The following RANBP9 variants were observed in gnomAD, a reference collection of about 807,000 sequenced individuals.
RANBP9 encodes the protein ran-binding protein 9.
RANBP9 carries 15 observed loss-of-function variants against 84.3 expected under a neutral mutation model. The ratio of observed to expected loss-of-function variants is 0.18; its 90% CI spans 0.12 to 0.27. The LOEUF (loss-of-function observed/expected upper bound fraction) is 0.27, where lower values mean the gene tolerates loss of function less well. Among genes scored for constraint, RANBP9 ranks in the 10% least tolerant of loss-of-function variants. RANBP9 has a pLI of 1.00. For missense variants in RANBP9, 809 were observed against 912.8 expected (o/e 0.89, Z 1.46); for synonymous variants, 392 against 349.6 (o/e 1.12, Z -1.35).
At chr6:13,677,901 T>G (rs1209453615) in intron 2 of RANBP9, among the ~76,000 whole-genome samples, 1 of 152,094 alleles carries the variant, frequency 6.6e-6, no homozygotes, top group East Asian at 1.9e-4. Flanking sequence ...GTGGATCACT[T>G]GAACCCAACA....
At chr6:13,686,600 C>G (rs780807175) in intron 2 of RANBP9, among the ~76,000 whole-genome samples, 6 of 151,606 alleles carry the variant, frequency 4.0e-5, no homozygotes, top group East Asian at 1.9e-4. Context: ...AACAGGGTCT[C>G]GCTTTGTTGC....
At chr6:13,701,653 C>T (rs1757973938) in intron 1 of RANBP9, among the ~76,000 whole-genome samples, 1 of 151,910 alleles carries the variant, frequency 6.6e-6, no homozygotes, top group South Asian at 2.1e-4. Flanking sequence ...AACTGTATTC[C>T]CAGCTACTTG....
Position 13,625,641 on chromosome 6 carries a change from G to A in RANBP9, c.2059+12C>T. 6.4e-7 allele frequency: 1 copy of A among 1,555,694 alleles called. No homozygotes were observed. Among genetic ancestry groups the A allele is most frequent in the Non-Finnish European group, 8.9e-7 (1 of 1,128,408 alleles). On this transcript the variant is annotated intron_variant, in intron 13 of 13. Transcript: ENST00000011619. ...ATCTAACTGAAATTGTGCCTTATTTGGCTTTACTTACCTAATATTGCACTG... is the reference window on the plus strand; with the variant it reads ...ATCTAACTGAAATTGTGCCTTATTTAGCTTTACTTACCTAATATTGCACTG...
intron 2 of RANBP9, among the ~76,000 whole-genome samples, chr6:13,676,228 GCATT>G (rs529091281): frequency 5.3e-5 from 8 of 151,870 alleles, no homozygotes; most frequent in Admixed American, 2.0e-4. Flanking sequence ...AAAGTTATCT[GCATT>G]CATTATTTTT....
At chr6:13,685,235 C>G (rs1470692741) in intron 2 of RANBP9, among the ~76,000 whole-genome samples, 2 of 152,086 alleles carry the variant, frequency 1.3e-5, no homozygotes, top group Non-Finnish European at 2.9e-5. Context: ...TTAAAACAAT[C>G]TAAATAACTG....
At chr6:13,686,104 CCCCCCCCCCCCG>C (rs1290044975) in intron 2 of RANBP9, among the ~76,000 whole-genome samples, 475 of 2,590 alleles carry the variant, frequency 0.18, 43 homozygotes, top group African/African-American at 0.42. Flanking sequence ...ATTTCTTCCC[CCCCCCCCCCCCG>C]CCCCCCGAAA....
intron 4 of RANBP9, 108 bp from the exon 5 acceptor site, chr6:13,652,789 C>T: frequency 2.2e-6 from 2 of 911,274 alleles, no homozygotes; most frequent in Non-Finnish European, 3.4e-6. Context: ...AAGAAAAAAA[C>T]ATTAAAGCCT....
At position 13,692,219 on chromosome 6, in the gene RANBP9, G is replaced by A. The variant is rs192966103; in HGVS notation, c.683+4566C>T. 1.1e-3 allele frequency among the ~76,000 whole-genome samples: 166 copies of A among 152,168 alleles called. 2 individuals are homozygous for A. The highest frequency in any genetic ancestry group is 3.9e-3 in the African/African-American group (160 of 41,504). Reference sequence around the variant, plus strand: ...CTTTGTTCGACACGTTTACCAGAGAGATAAATGAATGTGACCAAAGAAGTA... The same window carrying A: ...CTTTGTTCGACACGTTTACCAGAGAAATAAATGAATGTGACCAAAGAAGTA... On this transcript the variant is annotated intron_variant, in intron 2 of 13. Coordinates refer to ENST00000011619, the MANE Select transcript of RANBP9 (RefSeq NM_005493.3).
At position 13,623,884 on chromosome 6, in the gene RANBP9, TCAA is replaced by T. The variant is rs534344566; in HGVS notation, c.2060-1395_2060-1393del. Among the ~76,000 whole-genome samples the T allele has an allele frequency of 1.3e-3, 201 of 152,320 alleles. 2 individuals are homozygous for T. The highest frequency in any genetic ancestry group is 4.7e-3 in the African/African-American group (194 of 41,580). On this transcript the variant is annotated intron_variant, in intron 13 of 13. Coordinates refer to ENST00000011619, the MANE Select transcript of RANBP9 (RefSeq NM_005493.3). ...TATATGTGTCTATAGATAATGGTGCTCAACAATTAAATTCCCTTGAAGAACTCA... is the reference window on the plus strand; with the variant it reads ...TATATGTGTCTATAGATAATGGTGCTCAATTAAATTCCCTTGAAGAACTCA...
intron 4 of RANBP9, among the ~76,000 whole-genome samples, chr6:13,653,029 AC>A (rs1318288622): frequency 1.3e-5 from 2 of 152,142 alleles, no homozygotes; most frequent in Non-Finnish European, 2.9e-5. Flanking sequence ...TTATTTTTTA[AC>A]CCCAAGTTGC....
chr6:13,624,180 T>TGA (rs1363355905), intron 13 of RANBP9, among the ~76,000 whole-genome samples: 1 of 152,206 alleles, frequency 6.6e-6, no homozygotes, highest in Non-Finnish European at 1.5e-5. Context: ...CTGAGGACAC[T>TGA]ACTCCTATTC....
At chr6:13,704,080 T>A (rs529603520) in intron 1 of RANBP9, among the ~76,000 whole-genome samples, 1 of 152,330 alleles carries the variant, frequency 6.6e-6, no homozygotes, top group Admixed American at 6.5e-5. Flanking sequence ...TACTTTTAAA[T>A]ATCTCACAAA....
chr6:13,689,148 C>T (rs1231283134), intron 2 of RANBP9, among the ~76,000 whole-genome samples: 1 of 152,024 alleles, frequency 6.6e-6, no homozygotes, highest in Non-Finnish European at 1.5e-5. Flanking sequence ...CAGAGCAAGA[C>T]TCTGCTGCAA....
chr6:13,689,261 T>A (rs1766268588), intron 2 of RANBP9, among the ~76,000 whole-genome samples: 1 of 151,234 alleles, frequency 6.6e-6, no homozygotes, highest in Non-Finnish European at 1.5e-5. Context: ...GATTCCATTC[T>A]CACTTTTTTT....
intron 12 of RANBP9, among the ~76,000 whole-genome samples, chr6:13,631,510 A>G (rs1764780414): frequency 6.6e-6 from 1 of 152,178 alleles, no homozygotes. Flanking sequence ...GGAGCACTTC[A>G]GATTTTCGGA....
At chr6:13,701,028 C>G (rs1467644566) in intron 1 of RANBP9, among the ~76,000 whole-genome samples, 1 of 152,192 alleles carries the variant, frequency 6.6e-6, no homozygotes, top group Non-Finnish European at 1.5e-5. Context: ...CCTGTTCTAT[C>G]CCCTTTCTAA....
chr6:13,623,767 CATTA>C (rs1450497853), intron 13 of RANBP9, among the ~76,000 whole-genome samples: 2 of 152,060 alleles, frequency 1.3e-5, no homozygotes, highest in Non-Finnish European at 2.9e-5. Flanking sequence ...ATAATTGTGT[CATTA>C]ATTTTACAGG....
Position 13,622,275 on chromosome 6 carries a change from A to G in RANBP9, c.*87T>C. ...AACCTGTCCCCAGTACATAATTTAAAAAATCTAAATTTCAAATCAGCAGAG... is the reference window on the plus strand; with the variant it reads ...AACCTGTCCCCAGTACATAATTTAAGAAATCTAAATTTCAAATCAGCAGAG... On this transcript the variant is annotated 3_prime_UTR_variant, in exon 14 of 14. Transcript: ENST00000011619. The G allele has an allele frequency of 7.6e-7, 1 of 1,312,750 alleles. No homozygotes were observed. The highest frequency in any genetic ancestry group is 9.9e-7 in the Non-Finnish European group (1 of 1,011,144). The allele number at this position is 1,312,750 out of a possible 1,614,324, so 81.3% of individuals were successfully genotyped here.
rs887380728 is a variant in RANBP9 at position 13,621,746 on chromosome 6, A to C, written c.*616T>G. The C allele has an allele frequency of 3.3e-5, 5 of 152,688 alleles. No homozygotes were observed. The highest frequency in any genetic ancestry group is 1.2e-4 in the African/African-American group (5 of 41,474). 9.5% of individuals were successfully genotyped at this position (152,688 alleles called of 1,614,324 possible). A position where few individuals can be genotyped will look rare whatever the true frequency, so the allele number is the denominator to read the frequency against. On this transcript the variant is annotated 3_prime_UTR_variant, in exon 14 of 14. Coordinates refer to ENST00000011619, the MANE Select transcript of RANBP9 (RefSeq NM_005493.3). ...GTCATCTGTAGTTAAACAGGAAACA[A>C]AGTTGAAAAAGACCATGTTAAAACA...
Sources: allele counts gnomAD v4.1 joint callset (sites outside exome capture counted in the v4.1 genomes callset), GRCh38; gene constraint gnomAD v4.1.1; transcripts MANE v1.5; gene names NCBI Gene and HGNC (gene_info 2026-07-23, HGNC 2026-07-21).